Variants in PKD1L3 observed in about 807,000 individuals in gnomAD.
PKD1L3 encodes polycystin 1 like 3, transient receptor potential channel interacting.
In PKD1L3, 239 loss-of-function variants were observed where a neutral mutation model predicts 184.1. The ratio of observed to expected loss-of-function variants is 1.30; its 90% CI spans 1.17 to 1.45. The LOEUF is 1.45. Ranked by LOEUF, PKD1L3 falls within the 40% of genes most tolerant of loss-of-function variation. The pLI is 0.00. For synonymous variants in PKD1L3, 996 were observed against 778.8 expected (o/e 1.28, Z -4.64); for missense variants, 2,660 against 2,067.2 (o/e 1.29, Z -5.56).
chr16:71,972,336 G>GTTGCGGTGAGCCGAGATCATGCCA (rs2039746513), intron 12 of PKD1L3, among the ~76,000 whole-genome samples: 3 of 152,214 alleles, frequency 2.0e-5, no homozygotes, highest in Non-Finnish European at 4.4e-5. Flanking sequence ...CGGGGCAGAG[G>GTTGCGGTGAGCCGAGATCATGCCA]TTGCGGTGAG....
chr16:71,999,825 G>A lies in PKD1L3; in HGVS notation c.154C>T (p.His52Tyr). The A allele has an allele frequency of 3.2e-6, 5 of 1,551,706 alleles. No homozygotes were observed. In the East Asian group the frequency reaches 1.2e-4, roughly 38 times the overall value. The change falls in exon 1 of 30, where the codon CAT (histidine) becomes TAT (tyrosine). Residue 52 changes from histidine to tyrosine, a missense_variant. Transcript: ENST00000620267. ...TGAGCTAGGAATCCTCTCTGCACATGACAGTAATGCTGTGCTTCCTCAAAG... is the reference window on the plus strand; with the variant it reads ...TGAGCTAGGAATCCTCTCTGCACATAACAGTAATGCTGTGCTTCCTCAAAG... ...CSFEEAQHYC[H>Y]VQRGFLAHIW...
chr16:71,946,017 G>A (rs1210590018), intron 22 of PKD1L3, among the ~76,000 whole-genome samples: 1 of 152,118 alleles, frequency 6.6e-6, no homozygotes, highest in African/African-American at 2.4e-5. Flanking sequence ...GGAGTACGAT[G>A]GCACGATCTT....
chr16:71,970,909 A>G (rs1387427533), intron 12 of PKD1L3, among the ~76,000 whole-genome samples: 1 of 152,204 alleles, frequency 6.6e-6, no homozygotes, highest in Non-Finnish European at 1.5e-5. Context: ...ACAACAAGAG[A>G]TATGTACAGT....
chr16:71,985,902 G>A (rs532625365), intron 5 of PKD1L3, among the ~76,000 whole-genome samples: 16 of 152,198 alleles, frequency 1.1e-4, no homozygotes, highest in Non-Finnish European at 2.1e-4. Flanking sequence ...GAAACAAGGC[G>A]GAGAGAGGGG....
intron 9 of PKD1L3, 108 bp from the exon 10 acceptor site, chr16:71,978,491 GTGTGTATATATA>G (rs1254507909): frequency 8.1e-6 from 1 of 123,614 alleles, no homozygotes; most frequent in African/African-American, 1.3e-4. Context: ...GTGTGTGTGT[GTGTGTATATATA>G]TATATATATA....
In PKD1L3 at chr16:71,944,085, G is replaced by C. The variant is rs797005036; in HGVS notation, c.3804C>G (p.His1268Gln). The change falls in exon 23 of 30, where the codon CAC (histidine) becomes CAG (glutamine). Residue 1268 changes from histidine to glutamine, a missense_variant. His to Gln is a conservative substitution (Grantham distance 24). Coordinates refer to ENST00000620267, the MANE Select transcript of PKD1L3 (RefSeq NM_181536.2). ...TCTTCTTTTTCAAGGTTCTTTCTGG[G>C]TGCTTAGTTGGACTATTTATAGCTG... ...VAPAINSPTK[H>Q]PERTLKKKKL... The C allele has an allele frequency of 1.9e-6, 3 of 1,552,038 alleles. No homozygotes were observed. In the South Asian group the frequency reaches 3.6e-5, roughly 18 times the overall value.
chr16:71,960,419 C>G lies in PKD1L3; in HGVS notation c.2612+2786G>C, dbSNP rs192386175. On this transcript the variant is annotated intron_variant, in intron 16 of 29. Transcript: ENST00000620267. The stretch of plus-strand genomic sequence containing the variant: ...ACTCTAAGCAAAACCATAAAAAGGG[C>G]TGAAAGTAAAAAGATAAGAACAAAC... Among the ~76,000 whole-genome samples the G allele has an allele frequency of 1.6e-4, 24 of 151,682 alleles. 1 individual carries two copies. Among genetic ancestry groups the G allele is most frequent in the African/African-American group, 5.6e-4 (23 of 41,368 alleles).
Position 71,929,654 on chromosome 16 carries a change from G to T in PKD1L3, c.5083C>A (p.Leu1695Met), listed in dbSNP as rs748146373. ...AACAAATTTGAGAGCTTCTGTAGCA[G>T]TGTATCTATTAGTGCAGCTTCTTTC... ...LKKEAALIDT[L>M]LQKLSNLLGI... The change falls in exon 30 of 30, where the codon CTG becomes ATG. Residue 1695 changes from leucine to methionine, a missense_variant. Transcript: ENST00000620267. The T allele has an allele frequency of 1.9e-6, 3 of 1,551,406 alleles. No homozygotes were observed. Among genetic ancestry groups the T allele is most frequent in the African/African-American group, 2.7e-5 (2 of 73,014 alleles).
intron 11 of PKD1L3, among the ~76,000 whole-genome samples, chr16:71,976,762 A>G (rs2039940406): frequency 6.6e-6 from 1 of 152,080 alleles, no homozygotes; most frequent in Non-Finnish European, 1.5e-5. Context: ...CCACTTTTTG[A>G]GACGGAGTCT....
At chr16:71,975,802 T>C (rs980494396) in intron 11 of PKD1L3, among the ~76,000 whole-genome samples, 2 of 152,188 alleles carry the variant, frequency 1.3e-5, no homozygotes, top group Non-Finnish European at 2.9e-5. Flanking sequence ...CAGGACTCAA[T>C]ACACACACAT....
chr16:71,971,902 G>A (rs2039725260), intron 12 of PKD1L3, among the ~76,000 whole-genome samples: 1 of 152,108 alleles, frequency 6.6e-6, no homozygotes, highest in Admixed American at 6.6e-5. Flanking sequence ...CCAACATGGA[G>A]AAACCCCATC....
chr16:71,978,479 G>GTT, intron 9 of PKD1L3, 96 bp from the exon 10 acceptor site: 2 of 91,514 alleles, frequency 2.2e-5, no homozygotes, highest in Non-Finnish European at 1.8e-5. Flanking sequence ...GTATATATGT[G>GTT]TGTGTGTGTG....
chr16:71,959,091 A>AAG (rs1414698430), intron 16 of PKD1L3, among the ~76,000 whole-genome samples: 1 of 148,908 alleles, frequency 6.7e-6, no homozygotes, highest in Non-Finnish European at 1.5e-5. Context: ...TCTCAAAAAA[A>AAG]AAAAAAAAAA....
Position 71,933,426 on chromosome 16 carries a change from T to C in PKD1L3, c.4920A>G (p.Gln1640=). The change falls in exon 28 of 30, where the codon CAA becomes CAG. Residue 1640 remains glutamine (Q), a synonymous_variant. Coordinates refer to ENST00000620267, the MANE Select transcript of PKD1L3 (RefSeq NM_181536.2). ...VVGLLMGISH[Q]EEVFALDPVL... ...AACAAATTATTATTTTTACCTCCTC[T>C]TGGTGAGAAATTCCCATCAGGAGAC... 1 of 1,541,022 alleles carries C rather than the reference T, an allele frequency of 6.5e-7. No individual in the cohort carries two copies. The highest frequency in any genetic ancestry group is 8.8e-7 in the Non-Finnish European group (1 of 1,137,252).
At position 71,952,923 on chromosome 16, in the gene PKD1L3, C is replaced by T. The variant is rs1001703491; in HGVS notation, c.2980G>A (p.Glu994Lys). The T allele has an allele frequency of 3.2e-6, 5 of 1,550,326 alleles. No homozygotes were observed. Among genetic ancestry groups the T allele is most frequent in the African/African-American group, 1.4e-5 (1 of 73,018 alleles). The change falls in exon 18 of 30, where the codon GAG becomes AAG. Residue 994 changes from glutamate to lysine, a missense_variant. Coordinates refer to ENST00000620267, the MANE Select transcript of PKD1L3 (RefSeq NM_181536.2). ...ACTACCATTGTGGCAGAGAGAGGCT[C>T]AACAGAAGCATCTGAGAGGCAGGAG... ...QASCLSDASV[E>K]PLSATMVVEE...
At position 71,993,246 on chromosome 16, in the gene PKD1L3, C is replaced by A; in HGVS notation, c.505G>T (p.Val169Phe). The A allele has an allele frequency of 2.6e-6, 4 of 1,550,038 alleles. No homozygotes were observed. Among genetic ancestry groups the A allele is most frequent in the Non-Finnish European group, 3.5e-6 (4 of 1,146,274 alleles). ...GGCATTTTGTCTCTTGCTATTGCAA[C>A]TCCTCTTTTTGTCTTCTTGTGTCTC... ...YQRHKKTKRGVAIARDKMPPG... is the reference protein window; with the variant it reads ...YQRHKKTKRGFAIARDKMPPG... The change falls in exon 3 of 30, where the codon GTT (valine) becomes TTT (phenylalanine). Residue 169 changes from valine (V) to phenylalanine (F), a missense_variant. Coordinates refer to ENST00000620267, the MANE Select transcript of PKD1L3 (RefSeq NM_181536.2).
chr16:71,968,871 T>C (rs368002512), intron 13 of PKD1L3, among the ~76,000 whole-genome samples: 3 of 146,632 alleles, frequency 2.0e-5, no homozygotes, highest in East Asian at 2.1e-4. Context: ...GCTGGGATTA[T>C]AGGCGTGAGC....
chr16:71,993,432 C>G (rs1412347422), intron 2 of PKD1L3, 100 bp from the exon 3 acceptor site: 1 of 749,646 alleles, frequency 1.3e-6, no homozygotes, highest in Non-Finnish European at 2.1e-6. Context: ...ATCAGGAAAA[C>G]ACAAATTAAA....
chr16:71,993,165 C>G, intron 3 of PKD1L3, 51 bp downstream of exon 3: 1 of 1,289,444 alleles, frequency 7.8e-7, no homozygotes, highest in East Asian at 2.6e-5. Context: ...ATTCTTTTAG[C>G]AGAAATTGAT....
Sources: gnomAD v4.1 joint callset for allele counts (sites outside exome capture counted in the v4.1 genomes callset) on GRCh38, gnomAD v4.1.1 for gene constraint, MANE v1.5 for transcripts, NCBI Gene and HGNC (gene_info 2026-07-23, HGNC 2026-07-21) for gene names.